RABGAP1: variants seen among roughly 807,000 people sequenced by gnomAD.
RABGAP1 encodes the protein RAB GTPase activating protein 1.
A neutral mutation model predicts 137.6 loss-of-function variants in RABGAP1; 23 were observed. That is an observed-to-expected ratio of 0.17 (90% CI 0.12 to 0.24). The LOEUF is 0.24. RABGAP1 is among the 10% of genes least tolerant of loss of function. RABGAP1 has a pLI of 1.00. For missense variants in RABGAP1, 906 were observed against 1,275.8 expected (o/e 0.71, Z 4.42); for synonymous variants, 451 against 450.7 (o/e 1.00, Z -0.01).
At chr9:123,102,045 A>C (rs896327075) in intron 25 of RABGAP1, among the ~76,000 whole-genome samples, 1 of 152,170 alleles carries the variant, frequency 6.6e-6, no homozygotes, top group Admixed American at 6.5e-5. Flanking sequence ...CAGCTCTACC[A>C]CTGAACTGTT....
rs377729755 is a variant in RABGAP1 at position 123,020,865 on chromosome 9, TTAATC to T, written c.1794+410_1794+414del. The stretch of plus-strand genomic sequence containing the variant: ...TCTGCAACTGTAAGAAAATAATTCT[TTAATC>T]TAAACCATATTCTCTTTTAGCTCAT... On this transcript the variant is annotated intron_variant, in intron 13 of 25. Transcript: ENST00000373647. 217 of 871,834 alleles carry T rather than the reference TTAATC, an allele frequency of 2.5e-4. 1 individual carries two copies. In the East Asian group the frequency reaches 0.016, roughly 63 times the overall value. The allele number at this position is 871,834 out of a possible 1,614,324, so 54.0% of individuals were successfully genotyped here. A position where few individuals can be genotyped will look rare whatever the true frequency, so the allele number is the denominator to read the frequency against.
chr9:122,974,319 C>T (rs949654188), intron 2 of RABGAP1, among the ~76,000 whole-genome samples: 1 of 151,348 alleles, frequency 6.6e-6, no homozygotes, highest in Non-Finnish European at 1.5e-5. Flanking sequence ...GTGGTAAGAT[C>T]CAGAAGCTTG....
At chr9:123,029,610 A>AG in intron 13 of RABGAP1, 1 of 740,326 alleles carries the variant, frequency 1.4e-6, no homozygotes, top group Non-Finnish European at 2.5e-6. Context: ...TTGTCAAACA[A>AG]GACAAGGTAT....
chr9:123,037,588 T>C lies in RABGAP1; in HGVS notation c.1794+17129T>C, dbSNP rs74383313. ...CTAAAAAACCAAAATTTACCTTTTT[T>C]CATACATGTTAGAGAATGTAACCTG... On this transcript the variant is annotated intron_variant, in intron 13 of 25. Transcript: ENST00000373647. Among the ~76,000 whole-genome samples the C allele has an allele frequency of 4.2e-3, 639 of 152,374 alleles. 7 individuals are homozygous for C. The highest frequency in any genetic ancestry group is 0.034 in the East Asian group (177 of 5,188).
At chr9:122,970,370 G>C (rs1433259099) in intron 2 of RABGAP1, among the ~76,000 whole-genome samples, 1 of 152,162 alleles carries the variant, frequency 6.6e-6, no homozygotes. Context: ...GGACTTCAAG[G>C]CTGCAGTGCT....
chr9:123,073,528 C>T, intron 15 of RABGAP1, 24 bp from the exon 16 acceptor site: 1 of 1,601,696 alleles, frequency 6.2e-7, no homozygotes, highest in Non-Finnish European at 8.5e-7. Context: ...CCTCCCTACC[C>T]AACAACTTGC....
rs375676714 is a variant in RABGAP1, at chr9:123,069,820, G to A, written c.1909-530G>A. Among the ~76,000 whole-genome samples the A allele has an allele frequency of 3.9e-4, 59 of 152,164 alleles. 1 individual carries two copies. The highest frequency in any genetic ancestry group is 6.5e-4 in the Admixed American group (10 of 15,284). Reference sequence around the variant, plus strand: ...GATCCCTTGAGCCCAGGAGGTTGACGCTGCAGTGAGCCATGATTGTACCAC... The same window carrying A: ...GATCCCTTGAGCCCAGGAGGTTGACACTGCAGTGAGCCATGATTGTACCAC... On this transcript the variant is annotated intron_variant, in intron 14 of 25. Transcript: ENST00000373647.
At chr9:123,033,566 C>T (rs1438329868) in intron 13 of RABGAP1, 1 of 152,082 alleles carries the variant, frequency 6.6e-6, no homozygotes, top group South Asian at 2.1e-4. Context: ...TTTCCCCTCC[C>T]CCTTTCTTCC....
chr9:122,964,782 T>C (rs1835050455), intron 2 of RABGAP1, among the ~76,000 whole-genome samples: 1 of 152,126 alleles, frequency 6.6e-6, no homozygotes, highest in Admixed American at 6.5e-5. Flanking sequence ...CTTGAGCCCA[T>C]GAGTTTGAGA....
At chr9:123,013,321 A>C (rs1040419534) in intron 11 of RABGAP1, among the ~76,000 whole-genome samples, 1 of 136,538 alleles carries the variant, frequency 7.3e-6, no homozygotes, top group Non-Finnish European at 1.6e-5. Flanking sequence ...CATTTACCTT[A>C]GTGCCCTTGA....
At chr9:122,980,794 G>C (rs547046921) in intron 2 of RABGAP1, among the ~76,000 whole-genome samples, 1 of 152,164 alleles carries the variant, frequency 6.6e-6, no homozygotes, top group African/African-American at 2.4e-5. Flanking sequence ...TTCAAACTTT[G>C]TTACATGTGA....
chr9:122,952,039 G>A (rs908078436), intron 1 of RABGAP1, among the ~76,000 whole-genome samples: 1 of 152,144 alleles, frequency 6.6e-6, no homozygotes, highest in African/African-American at 2.4e-5. Flanking sequence ...GATCTTTAAT[G>A]TCTCTGTAAG....
At chr9:123,000,522 TTTC>T (rs1392240948) in intron 10 of RABGAP1, among the ~76,000 whole-genome samples, 31 of 152,146 alleles carry the variant, frequency 2.0e-4, no homozygotes, top group African/African-American at 5.6e-4. Context: ...TTTTCCTTAC[TTTC>T]TTTTCCTTAA....
At chr9:122,994,024 C>T (rs902564254) in intron 6 of RABGAP1, among the ~76,000 whole-genome samples, 1 of 152,150 alleles carries the variant, frequency 6.6e-6, no homozygotes, top group Non-Finnish European at 1.5e-5. Context: ...TTTACTTAAT[C>T]CACTAACCGT....
intron 11 of RABGAP1, among the ~76,000 whole-genome samples, chr9:123,013,594 A>C (rs1054199610): frequency 6.6e-6 from 1 of 152,076 alleles, no homozygotes; most frequent in African/African-American, 2.4e-5. Flanking sequence ...TGGCCTCCCA[A>C]AGTGCTGGGA....
At chr9:123,042,612 G>C (rs996864704) in intron 13 of RABGAP1, among the ~76,000 whole-genome samples, 15 of 152,096 alleles carry the variant, frequency 9.9e-5, no homozygotes, top group Non-Finnish European at 1.8e-4. Context: ...CAGTAAGCAG[G>C]CTAGAAAATG....
chr9:123,024,541 A>T (rs1226970605), intron 13 of RABGAP1, among the ~76,000 whole-genome samples: 1 of 151,660 alleles, frequency 6.6e-6, no homozygotes, highest in Non-Finnish European at 1.5e-5. Flanking sequence ...CCGGGTTCAA[A>T]CGATTCTCCT....
In RABGAP1 at chr9:123,069,729, T is replaced by A. The variant is rs140807650; in HGVS notation, c.1909-621T>A. 7.2e-5 allele frequency among the ~76,000 whole-genome samples: 11 copies of A among 152,002 alleles called. No homozygotes were observed. In the East Asian group the frequency reaches 2.1e-3, roughly 29 times the overall value. ...AGATCCCATCTCTATAAAAAATTTT[T>A]AAAAATTAGGCAGGCATGGTGGTGC... On this transcript the variant is annotated intron_variant, in intron 14 of 25. Transcript: ENST00000373647.
chr9:122,991,425 GTGAT>G (rs984685877), intron 6 of RABGAP1, among the ~76,000 whole-genome samples: 7 of 152,114 alleles, frequency 4.6e-5, no homozygotes, highest in African/African-American at 1.7e-4. Context: ...ATTAAGCACA[GTGAT>G]TGGTTTATTA....
Sources: allele counts gnomAD v4.1 joint callset (sites outside exome capture counted in the v4.1 genomes callset), GRCh38; gene constraint gnomAD v4.1.1; transcripts MANE v1.5; gene names NCBI Gene and HGNC (gene_info 2026-07-23, HGNC 2026-07-21).